The following IL27RA variants were observed in gnomAD, a reference collection of about 807,000 sequenced individuals.
IL27RA encodes the protein interleukin-27 receptor subunit alpha.
A neutral mutation model predicts 80.8 loss-of-function variants in IL27RA; 61 were observed. The observed-to-expected ratio is 0.76, with a 90% CI of 0.61 to 0.93. The LOEUF (loss-of-function observed/expected upper bound fraction) is 0.93, where lower values mean the gene tolerates loss of function less well. Ranked by LOEUF, IL27RA falls within the 40% of genes least tolerant of loss-of-function variation. The probability of loss-of-function intolerance (pLI) is 0.00; values close to 1 mark genes in which losing one functional copy is unlikely to be tolerated. For synonymous variants in IL27RA, 316 were observed against 332.5 expected, an observed-to-expected ratio of 0.95 and a Z score of 0.54; for missense variants, 735 against 808.1, an observed-to-expected ratio of 0.91 and a Z score of 1.10.
In IL27RA at chr19:14,031,899, C is replaced by G. The variant is rs773057097; in HGVS notation, c.27C>G (p.Phe9Leu). 7.5e-6 allele frequency: 12 copies of G among 1,605,082 alleles called. No individual in the cohort carries two copies. The highest frequency in any genetic ancestry group is 1.0e-5 in the Non-Finnish European group (12 of 1,176,592). MRGGRGAP[F>L]WLWPLPKLAL... ...TGCGGGGAGGCAGGGGCGCCCCTTTCTGGCTGTGGCCGCTGCCCAAGCTGG... is the reference window on the plus strand; with the variant it reads ...TGCGGGGAGGCAGGGGCGCCCCTTTGTGGCTGTGGCCGCTGCCCAAGCTGG... Residue 9 changes from phenylalanine to leucine, a missense_variant, in exon 1 of 14, where the codon TTC becomes TTG. Coordinates refer to ENST00000263379, the MANE Select transcript of IL27RA (RefSeq NM_004843.4).
chr19:14,049,132 T>C, intron 9 of IL27RA, 24 bp from the exon 10 acceptor site: 1 of 1,613,086 alleles, frequency 6.2e-7, no homozygotes, highest in Non-Finnish European at 8.5e-7. Flanking sequence ...CAGGCCGACC[T>C]TGACCTACTG....
Position 14,050,760 on chromosome 19 carries a change from A to T in IL27RA, c.1405A>T (p.Ser469Cys). ...ACTTCTTTGGTTGTGTTCTCCAGTG[A>T]GTGGCAACACACAGAGTGTCACCCT... Reference protein sequence around the residue: ...GTSPSVCMNVSGNTQSVTLPD... With the variant: ...GTSPSVCMNVCGNTQSVTLPD... Residue 469 changes from serine to cysteine, a missense_variant and splice_region_variant, in exon 11 of 14, where the codon AGT (serine) becomes TGT (cysteine). Ser to Cys is a moderately radical substitution (Grantham distance 112). Transcript: ENST00000263379. 8 of 1,610,716 alleles carry T rather than the reference A, an allele frequency of 5.0e-6. No homozygotes were observed. Among genetic ancestry groups the T allele is most frequent in the Non-Finnish European group, 6.8e-6 (8 of 1,177,474 alleles).
intron 2 of IL27RA, among the ~76,000 whole-genome samples, chr19:14,033,165 C>T (rs985096292): frequency 2.4e-4 from 35 of 143,762 alleles, no homozygotes; most frequent in African/African-American, 8.5e-4. Flanking sequence ...GGTGTGGTCT[C>T]GGCTCACTGC....
Position 14,051,667 on chromosome 19 carries a change from T to TG in IL27RA, c.1593dup (p.Cys532ValfsTer29). On this transcript the variant is annotated frameshift_variant, in exon 12 of 14. Coordinates refer to ENST00000263379, the MANE Select transcript of IL27RA (RefSeq NM_004843.4). LOFTEE classifies it high-confidence loss of function. ...CTATTCTTGTGGGGCTTGTTCCTGT[T>TG]GGGGTGTGGCCTGAGCCTGGCCACC... 6.2e-7 allele frequency: 1 copy of TG among 1,613,222 alleles called. No homozygotes were observed. Among genetic ancestry groups the TG allele is most frequent in the Non-Finnish European group, 8.5e-7 (1 of 1,179,492 alleles).
chr19:14,051,204 C>T (rs1322875474), intron 11 of IL27RA, among the ~76,000 whole-genome samples: 1 of 152,110 alleles, frequency 6.6e-6, no homozygotes, highest in Admixed American at 6.6e-5. Context: ...ACACGGATTA[C>T]ACCACTGCGC....
intron 2 of IL27RA, among the ~76,000 whole-genome samples, chr19:14,036,833 A>G (rs1568499424): frequency 7.1e-6 from 1 of 140,458 alleles, no homozygotes; most frequent in Non-Finnish European, 1.5e-5. Flanking sequence ...TCGTGTATGT[A>G]TACCACATTT....
intron 4 of IL27RA, 103 bp from the exon 5 acceptor site, chr19:14,042,350 C>G (rs906818496): frequency 1.6e-6 from 2 of 1,268,542 alleles, no homozygotes; most frequent in African/African-American, 1.5e-5. Flanking sequence ...TGGGCCACAA[C>G]GAGACTGTCT....
chr19:14,032,634 CAAAAAA>C (rs766574764), intron 2 of IL27RA, 131 bp downstream of exon 2: 13 of 93,678 alleles, frequency 1.4e-4, no homozygotes, highest in South Asian at 5.2e-4. Context: ...ACTAAAAATA[CAAAAAA>C]AAAAAAAAAA....
chr19:14,045,841 A>G (rs964682079), intron 6 of IL27RA, among the ~76,000 whole-genome samples: 2 of 151,050 alleles, frequency 1.3e-5, no homozygotes, highest in African/African-American at 2.4e-5. Context: ...CCTGGCCAAC[A>G]TGGTGAAACC....
At position 14,031,804 on chromosome 19, in the gene IL27RA, C is replaced by T; in HGVS notation, c.-69C>T. 1 of 1,341,590 alleles carries T rather than the reference C, an allele frequency of 7.5e-7. No individual in the cohort carries two copies. The highest frequency in any genetic ancestry group is 1.0e-6 in the Non-Finnish European group (1 of 980,932). 83.1% of individuals were successfully genotyped at this position (1,341,590 alleles called of 1,614,324 possible). A position where few individuals can be genotyped will look rare whatever the true frequency, so the allele number is the denominator to read the frequency against. ...CGCCTCGGGCGCTGTACCCAGAGCTCGAAGAGGAGCAGCGCGGCCGCGCGG... is the reference window on the plus strand; with the variant it reads ...CGCCTCGGGCGCTGTACCCAGAGCTTGAAGAGGAGCAGCGCGGCCGCGCGG... On this transcript the variant is annotated 5_prime_UTR_variant, in exon 1 of 14. Transcript: ENST00000263379.
chr19:14,031,916 C>T lies in IL27RA; in HGVS notation c.44C>T (p.Pro15Leu). 1.2e-6 allele frequency: 2 copies of T among 1,608,056 alleles called. No individual in the cohort carries two copies. Among genetic ancestry groups the T allele is most frequent in the Non-Finnish European group, 1.7e-6 (2 of 1,177,776 alleles). Residue 15 changes from proline (P) to leucine (L), a missense_variant, in exon 1 of 14, where the codon CCC (proline) becomes CTC (leucine). Physicochemically the swap from Pro to Leu is moderately conservative, Grantham distance 98. Transcript: ENST00000263379. Reference sequence around the variant, plus strand: ...GCCCCTTTCTGGCTGTGGCCGCTGCCCAAGCTGGCGCTGCTGCCTCTGTTG... The same window carrying T: ...GCCCCTTTCTGGCTGTGGCCGCTGCTCAAGCTGGCGCTGCTGCCTCTGTTG... Reference protein sequence around the residue: ...RGAPFWLWPLPKLALLPLLWV... With the variant: ...RGAPFWLWPLLKLALLPLLWV...
rs761607603 is a variant in IL27RA, at chr19:14,036,780, G to A, written c.219-2728G>A. 5.9e-5 allele frequency among the ~76,000 whole-genome samples: 9 copies of A among 151,404 alleles called. 1 individual carries two copies. Among genetic ancestry groups the A allele is most frequent in the South Asian group, 2.1e-4 (1 of 4,798 alleles). ...TGGGATTACAGGCGTGAGCCACCAC[G>A]CACAGTGTATTTTCTTCTTTTTTAA... On this transcript the variant is annotated intron_variant, in intron 2 of 13. Coordinates refer to ENST00000263379, the MANE Select transcript of IL27RA (RefSeq NM_004843.4).
intron 2 of IL27RA, among the ~76,000 whole-genome samples, chr19:14,036,599 G>A (rs892039922): frequency 3.6e-5 from 5 of 139,290 alleles, no homozygotes; most frequent in African/African-American, 1.3e-4. Context: ...AGCGATTCTC[G>A]TGCCTCAGCC....
chr19:14,051,697 G>A lies in IL27RA; in HGVS notation c.1619G>A (p.Gly540Glu). 6.2e-7 allele frequency: 1 copy of A among 1,602,374 alleles called. No homozygotes were observed. The highest frequency in any genetic ancestry group is 8.5e-7 in the Non-Finnish European group (1 of 1,173,448). Residue 540 changes from glycine to glutamate, a missense_variant, in exon 12 of 14, where the codon GGA becomes GAA. Physicochemically the swap from Gly to Glu is moderately conservative, Grantham distance 98 (BLOSUM62 -2). Coordinates refer to ENST00000263379, the MANE Select transcript of IL27RA (RefSeq NM_004843.4). The part of the protein sequence containing the change: ...LGCGLSLATS[G>E]RCYHLRHKVL... ...TGTGGCCTGAGCCTGGCCACCTCTG[G>A]AAGGTGAGGCTGTCGGATACATGCA...
Position 14,039,988 on chromosome 19 carries a change from C to T in IL27RA, c.534+78C>T. 2.8e-6 allele frequency: 4 copies of T among 1,426,102 alleles called. No homozygotes were observed. In the South Asian group the frequency reaches 5.0e-5, roughly 18 times the overall value. The allele number at this position is 1,426,102 out of a possible 1,614,324, so 88.3% of individuals were successfully genotyped here. A position where few individuals can be genotyped will look rare whatever the true frequency, so the allele number is the denominator to read the frequency against. Reference sequence around the variant, plus strand: ...AACATCTCCTAATCTGAGACCCAGCCCAGGACTCATTCTGTGCCTGCCCCT... The same window carrying T: ...AACATCTCCTAATCTGAGACCCAGCTCAGGACTCATTCTGTGCCTGCCCCT... On this transcript the variant is annotated intron_variant, in intron 4 of 13. Coordinates refer to ENST00000263379, the MANE Select transcript of IL27RA (RefSeq NM_004843.4).
intron 10 of IL27RA, among the ~76,000 whole-genome samples, chr19:14,050,454 A>G (rs912343973): frequency 7.9e-5 from 12 of 150,948 alleles, no homozygotes; most frequent in African/African-American, 2.9e-4. Context: ...GTGAGCTGAG[A>G]TCACATGACT....
At position 14,049,927 on chromosome 19, in the gene IL27RA, G is replaced by A. The variant is rs182124638; in HGVS notation, c.1402+613G>A. Among the ~76,000 whole-genome samples the A allele has an allele frequency of 4.2e-3, 639 of 151,884 alleles. 7 individuals are homozygous for A. Among genetic ancestry groups the A allele is most frequent in the African/African-American group, 0.014 (593 of 41,474 alleles). On this transcript the variant is annotated intron_variant, in intron 10 of 13. Transcript: ENST00000263379. ...TAGAAGGCCCGGCATGGTGGGTCAC[G>A]CCTGTAATCCCAGCACTTTGGGAGG...
Position 14,051,929 on chromosome 19 carries a change from G to A in IL27RA, c.1672G>A (p.Val558Ile). 6.3e-7 allele frequency: 1 copy of A among 1,589,688 alleles called. No individual in the cohort carries two copies. The highest frequency in any genetic ancestry group is 8.6e-7 in the Non-Finnish European group (1 of 1,167,162). The change falls in exon 13 of 14, where the codon GTT becomes ATT. Residue 558 changes from valine (V) to isoleucine (I), a missense_variant. Val to Ile is a conservative substitution (Grantham distance 29). Transcript: ENST00000263379. ...GCTGCCCCGCTGGGTCTGGGAGAAA[G>A]TTCCTGATCCTGCCAACAGCAGTTC... ...KVLPRWVWEKVPDPANSSSGQ... is the reference protein window; with the variant it reads ...KVLPRWVWEKIPDPANSSSGQ...
At chr19:14,035,353 C>T (rs1329627107) in intron 2 of IL27RA, among the ~76,000 whole-genome samples, 1 of 151,670 alleles carries the variant, frequency 6.6e-6, no homozygotes, top group African/African-American at 2.4e-5. Flanking sequence ...TAAGTACATT[C>T]CCATGGTGCT....
Sources: allele counts gnomAD v4.1 joint callset (sites outside exome capture counted in the v4.1 genomes callset), GRCh38; gene constraint gnomAD v4.1.1; transcripts MANE v1.5; gene names NCBI Gene and HGNC (gene_info 2026-07-23, HGNC 2026-07-21).